The following PCSK6 variants were observed in gnomAD, a reference collection of about 807,000 sequenced individuals.
The protein encoded by PCSK6 is paired basic amino acid cleaving enzyme 4.
A neutral mutation model predicts 123.3 loss-of-function variants in PCSK6; 85 were observed. That is an observed-to-expected ratio of 0.69 (90% CI 0.58 to 0.83). The LOEUF (loss-of-function observed/expected upper bound fraction) is 0.83, where lower values mean the gene tolerates loss of function less well. Among genes scored for constraint, PCSK6 ranks in the 40% least tolerant of loss-of-function variants. The pLI is 0.00. For synonymous variants in PCSK6, 508 were observed against 516.0 expected (o/e 0.98, Z 0.21); for missense variants, 1,191 against 1,282.3 (o/e 0.93, Z 1.09).
chr15:101,451,859 G>A (rs187745493), intron 1 of PCSK6, among the ~76,000 whole-genome samples: 20 of 152,060 alleles, frequency 1.3e-4, no homozygotes, highest in South Asian at 2.1e-4. Flanking sequence ...AGTGACTTCC[G>A]CCTGAAAAAA....
intron 13 of PCSK6, chr15:101,365,040 A>G (rs1449427554): frequency 3.9e-6 from 3 of 775,640 alleles, no homozygotes; most frequent in Non-Finnish European, 7.2e-6. Context: ...GAGTCTCAAG[A>G]TCACCTAATG....
intron 4 of PCSK6, among the ~76,000 whole-genome samples, chr15:101,430,876 T>C (rs1022810333): frequency 2.0e-5 from 3 of 152,212 alleles, no homozygotes; most frequent in African/African-American, 7.2e-5. Context: ...TTACAGACGG[T>C]AAAATGTTTA....
rs1192539481 is a variant in PCSK6 at position 101,384,387 on chromosome 15, A to G, written c.1349T>C (p.Val450Ala). The G allele has an allele frequency of 6.2e-7, 1 of 1,613,760 alleles. No homozygotes were observed. The highest frequency in any genetic ancestry group is 2.2e-5 in the East Asian group (1 of 44,872). Residue 450 changes from valine to alanine, a missense_variant, in exon 10 of 22, where the codon GTG becomes GCG. Physicochemically the swap from Val to Ala is moderately conservative, Grantham distance 64 (BLOSUM62 0). This residue lies in a region of PCSK6 where 357 missense variants were observed against 484.5 expected (regional missense o/e 0.74). Coordinates refer to ENST00000611716, the MANE Select transcript of PCSK6 (RefSeq NM_002570.5). ...CAGGTGGGCCGGCCGGGATGTCTTC[A>G]CTAGCAGGTGCTGGACGTCCCTCCA... is the stretch of plus-strand genomic sequence containing the variant. ...LTWRDVQHLLVKTSRPAHLKA... is the reference protein window; with the variant it reads ...LTWRDVQHLLAKTSRPAHLKA...
rs541010812 is a variant in PCSK6 at position 101,325,443 on chromosome 15, C to T, written c.2181-397G>A. 3.4e-3 allele frequency among the ~76,000 whole-genome samples: 519 copies of T among 152,266 alleles called. 3 individuals carry two copies. The highest frequency in any genetic ancestry group is 4.4e-3 in the Non-Finnish European group (300 of 68,018). On this transcript the variant is annotated intron_variant, in intron 16 of 21. Coordinates refer to ENST00000611716, the MANE Select transcript of PCSK6 (RefSeq NM_002570.5). ...GCCTTTGCACTTTGGCCAGTGAGTGCGCTGTGGCTGGGAGCTCGAGGACGC... is the reference window on the plus strand; with the variant it reads ...GCCTTTGCACTTTGGCCAGTGAGTGTGCTGTGGCTGGGAGCTCGAGGACGC...
At chr15:101,352,988 T>C (rs2040937165) in intron 13 of PCSK6, among the ~76,000 whole-genome samples, 2 of 152,216 alleles carry the variant, frequency 1.3e-5, no homozygotes, top group Non-Finnish European at 2.9e-5. Flanking sequence ...AATCAGTTTA[T>C]TGGAAGACAA....
At chr15:101,407,747 C>A (rs1453611901) in intron 6 of PCSK6, among the ~76,000 whole-genome samples, 2 of 152,240 alleles carry the variant, frequency 1.3e-5, no homozygotes, top group Non-Finnish European at 2.9e-5. Context: ...ACAGAACCCG[C>A]TGCTTCTCTG....
chr15:101,428,058 C>T lies in PCSK6; in HGVS notation c.735-78G>A. 1.4e-5 allele frequency: 16 copies of T among 1,163,884 alleles called. No individual in the cohort carries two copies. The South Asian group carries it at 2.1e-4, about 16-fold the overall frequency. The allele number at this position is 1,163,884 out of a possible 1,614,324, so 72.1% of individuals were successfully genotyped here. A position where few individuals can be genotyped will look rare whatever the true frequency, so the allele number is the denominator to read the frequency against. On this transcript the variant is annotated intron_variant, in intron 5 of 21. Coordinates refer to ENST00000611716, the MANE Select transcript of PCSK6 (RefSeq NM_002570.5). ...ATTCAGTGCCTGGCTCAGTTCAATG[C>T]AACAAGAGAGTCAGTTGTCCGAAGC...
chr15:101,417,608 T>C (rs1279819298), intron 6 of PCSK6, among the ~76,000 whole-genome samples: 1 of 152,144 alleles, frequency 6.6e-6, no homozygotes. Flanking sequence ...AAGCACCATA[T>C]AATTAAACTA....
chr15:101,318,412 C>G lies in PCSK6; in HGVS notation c.2476G>C (p.Gly826Arg). The G allele has an allele frequency of 1.3e-6, 2 of 1,558,190 alleles. No individual in the cohort carries two copies. The highest frequency in any genetic ancestry group is 1.7e-6 in the Non-Finnish European group (2 of 1,150,832). ...GGCTCACAGTCAGGAATGCAGCTGC[C>G]CCGTGCAAGGCTGTTGAAAAGAAAG... ...VCKEGFSLAR[G>R]SCIPDCEPGT... The change falls in exon 19 of 22, where the codon GGC becomes CGC. Residue 826 changes from glycine to arginine, a missense_variant. Physicochemically the swap from Gly to Arg is moderately radical, Grantham distance 125. This residue lies in a region of PCSK6 where 630 missense variants were observed against 631.4 expected (regional missense o/e 1.00). Transcript: ENST00000611716.
At chr15:101,346,670 T>C (rs1260036334) in intron 13 of PCSK6, 4 of 976,922 alleles carry the variant, frequency 4.1e-6, no homozygotes, top group Non-Finnish European at 5.3e-6. Flanking sequence ...TTCCTAAAAC[T>C]GAGGGCAAAT....
intron 6 of PCSK6, among the ~76,000 whole-genome samples, chr15:101,413,056 G>A (rs1362308605): frequency 2.0e-5 from 3 of 151,930 alleles, no homozygotes; most frequent in African/African-American, 4.8e-5. Context: ...AAAAGTAGTG[G>A]GGGCTGGAAA....
chr15:101,479,889 T>C (rs1385057041), intron 1 of PCSK6, among the ~76,000 whole-genome samples: 1 of 152,096 alleles, frequency 6.6e-6, no homozygotes, highest in South Asian at 2.1e-4. Flanking sequence ...ACTGCTGGGG[T>C]CCTCCCAGGG....
chr15:101,429,772 G>A (rs1178250055), intron 5 of PCSK6, among the ~76,000 whole-genome samples: 1 of 152,256 alleles, frequency 6.6e-6, no homozygotes, highest in Non-Finnish European at 1.5e-5. Context: ...CGGCAGCGGT[G>A]ACACCCCAGA....
chr15:101,403,283 A>AG lies in PCSK6; in HGVS notation c.824-4708dup, dbSNP rs947221839. 9.5e-5 allele frequency among the ~76,000 whole-genome samples: 6 copies of AG among 63,260 alleles called. No individual in the cohort carries two copies. The East Asian group carries it at 2.3e-3, about 24-fold the overall frequency. 41.5% of individuals were successfully genotyped at this position (63,260 alleles called of 152,430 possible). On this transcript the variant is annotated intron_variant, in intron 6 of 21. Coordinates refer to ENST00000611716, the MANE Select transcript of PCSK6 (RefSeq NM_002570.5). Reference sequence around the variant, plus strand: ...CTGGGGACTGTTGTGGGGTGGGGGGAGGGGGGAGGGATAGCATTAGGAGAT... The same window carrying AG: ...CTGGGGACTGTTGTGGGGTGGGGGGAGGGGGGGAGGGATAGCATTAGGAGAT...
intron 13 of PCSK6, among the ~76,000 whole-genome samples, chr15:101,358,614 A>G (rs1247618330): frequency 2.0e-5 from 3 of 152,198 alleles, no homozygotes; most frequent in African/African-American, 7.2e-5. Flanking sequence ...CATCGGAGAC[A>G]TGTCTGTTAG....
chr15:101,391,051 TG>T (rs1461627963), intron 8 of PCSK6, among the ~76,000 whole-genome samples: 1 of 151,786 alleles, frequency 6.6e-6, no homozygotes, highest in African/African-American at 2.4e-5. Flanking sequence ...CTAGGGAAGG[TG>T]GGGGTCTGGT....
At chr15:101,392,383 A>ATGC (rs1240067193) in intron 8 of PCSK6, among the ~76,000 whole-genome samples, 2 of 152,254 alleles carry the variant, frequency 1.3e-5, no homozygotes, top group Non-Finnish European at 2.9e-5. Context: ...GGAAGCCTGT[A>ATGC]TGCTCCCACA....
intron 15 of PCSK6, among the ~76,000 whole-genome samples, chr15:101,328,149 G>A (rs543865766): frequency 1.2e-4 from 19 of 152,266 alleles, no homozygotes; most frequent in South Asian, 6.2e-4. Flanking sequence ...CTGGGCTCTC[G>A]CCTTCCCACC....
chr15:101,439,314 C>T (rs1029417924), intron 2 of PCSK6, among the ~76,000 whole-genome samples: 2 of 152,212 alleles, frequency 1.3e-5, no homozygotes, highest in African/African-American at 4.8e-5. Flanking sequence ...GATATCTAAG[C>T]GGAAGGGCAG....
Sources: allele counts gnomAD v4.1 joint callset (sites outside exome capture counted in the v4.1 genomes callset), GRCh38; gene constraint gnomAD v4.1.1; regional missense constraint gnomAD v4.1.1; transcripts MANE v1.5; gene names NCBI Gene and HGNC (gene_info 2026-07-23, HGNC 2026-07-21).